Variants in RC3H1 observed in about 807,000 individuals in gnomAD.
RC3H1 encodes roquin-1.
Under a neutral mutation model 138.2 loss-of-function variants are expected in RC3H1, and 50 were observed. The observed-to-expected ratio is 0.36, with a 90% CI of 0.29 to 0.46. RC3H1 has a LOEUF of 0.46. Ranked by LOEUF, RC3H1 falls within the 20% of genes least tolerant of loss-of-function variation. The pLI, the probability that RC3H1 is intolerant of heterozygous loss-of-function variation, is 1.00. For synonymous variants in RC3H1, 462 were observed against 489.1 expected (o/e 0.94, Z 0.73); for missense variants, 1,031 against 1,388.1 (o/e 0.74, Z 4.09).
chr1:173,943,382 C>G, intron 18 of RC3H1, 60 bp downstream of exon 18: 1 of 1,528,616 alleles, frequency 6.5e-7, no homozygotes, highest in Non-Finnish European at 8.9e-7. Flanking sequence ...CTAGATAATT[C>G]TAGAGCCACA....
In RC3H1 at chr1:173,934,838, T is replaced by C. The variant is rs1055358906; in HGVS notation, c.*3883A>G. ...AAAGGTCAAGAAAAAAAAAGACATA[T>C]ATGGAAAAATGTAAACTTTGAGCTC... On this transcript the variant is annotated 3_prime_UTR_variant, in exon 20 of 20. Coordinates refer to ENST00000367696, the MANE Select transcript of RC3H1 (RefSeq NM_172071.4). The C allele has an allele frequency of 5.3e-5, 8 of 151,960 alleles. No individual in the cohort carries two copies. The highest frequency in any genetic ancestry group is 1.5e-5 in the Non-Finnish European group (1 of 67,970). 9.4% of individuals were successfully genotyped at this position (151,960 alleles called of 1,614,324 possible). A position where few individuals can be genotyped will look rare whatever the true frequency, so the allele number is the denominator to read the frequency against.
intron 9 of RC3H1, 38 bp from the exon 10 acceptor site, chr1:173,965,158 A>C: frequency 9.0e-6 from 14 of 1,553,116 alleles, no homozygotes; most frequent in Non-Finnish European, 1.2e-5. Flanking sequence ...AAAAGCAAAT[A>C]TAAAAGCAAA....
chr1:173,984,472 T>C, intron 3 of RC3H1, 27 bp downstream of exon 3: 1 of 1,607,790 alleles, frequency 6.2e-7, no homozygotes, highest in Non-Finnish European at 8.5e-7. Context: ...GTTTTACTCT[T>C]TAAATAAGAA....
chr1:174,007,116 G>A (rs977546415), intron 1 of RC3H1, among the ~76,000 whole-genome samples: 2 of 152,134 alleles, frequency 1.3e-5, no homozygotes, highest in East Asian at 1.9e-4. Context: ...CAGGCCAGGC[G>A]CAGTGGCTCA....
rs117325374 is a variant in RC3H1 at position 173,997,138 on chromosome 1, T to C, written c.-150-4003A>G. Among the ~76,000 whole-genome samples the C allele has an allele frequency of 5.1e-4, 77 of 152,170 alleles. 2 individuals carry two copies. The East Asian group carries it at 0.013, about 26-fold the overall frequency. ...TATATGGGAGGCTGAGGCAAGAGGA[T>C]TGCCTGAGCCCAGGAGGTCGGAGCT... On this transcript the variant is annotated intron_variant, in intron 1 of 19. Transcript: ENST00000367696.
intron 7 of RC3H1, among the ~76,000 whole-genome samples, chr1:173,976,363 A>G (rs1163964912): frequency 6.6e-6 from 1 of 152,034 alleles, no homozygotes; most frequent in Non-Finnish European, 1.5e-5. Flanking sequence ...GCTACTCGGG[A>G]CAAGAATTGC....
intron 1 of RC3H1, among the ~76,000 whole-genome samples, chr1:174,005,422 T>C (rs1036070143): frequency 1.1e-4 from 17 of 152,224 alleles, no homozygotes; most frequent in South Asian, 4.1e-4. Context: ...ATAGATTATC[T>C]GGTGATTATA....
chr1:173,934,717 G>A lies in RC3H1; in HGVS notation c.*4004C>T, dbSNP rs970723259. 2.6e-5 allele frequency: 4 copies of A among 152,118 alleles called. No individual in the cohort carries two copies. Among genetic ancestry groups the A allele is most frequent in the South Asian group, 2.1e-4 (1 of 4,822 alleles). The allele number at this position is 152,118 out of a possible 1,614,324, so 9.4% of individuals were successfully genotyped here. On this transcript the variant is annotated 3_prime_UTR_variant, in exon 20 of 20. Coordinates refer to ENST00000367696, the MANE Select transcript of RC3H1 (RefSeq NM_172071.4). ...ACTTCACAGAAGTTATTGGCTAAGC[G>A]AATTCATTTGAATGCTCTGTTTTGA...
Position 173,936,107 on chromosome 1 carries a change from A to C in RC3H1, c.*2614T>G. 6.6e-6 allele frequency: 1 copy of C among 152,270 alleles called. No homozygotes were observed. The highest frequency in any genetic ancestry group is 1.5e-5 in the Non-Finnish European group (1 of 68,046). 9.4% of individuals were successfully genotyped at this position (152,270 alleles called of 1,614,324 possible). A position where few individuals can be genotyped will look rare whatever the true frequency, so the allele number is the denominator to read the frequency against. On this transcript the variant is annotated 3_prime_UTR_variant, in exon 20 of 20. Coordinates refer to ENST00000367696, the MANE Select transcript of RC3H1 (RefSeq NM_172071.4). ...CACAGAATCAAAATGGCAAAAGCCA[A>C]GAACAAGTGTATTTAAAGGAAATGA...
chr1:173,978,579 T>C lies in RC3H1; in HGVS notation c.1011A>G (p.Leu337=). The change falls in exon 7 of 20, where the codon CTA becomes CTG. Residue 337 remains leucine (L), a synonymous_variant. Transcript: ENST00000367696. ...PASFAQSVQE[L]TIALQRTGDP... is the part of the protein sequence containing the mutation. ...CTCCAGTTCGCTGGAGAGCAATTGT[T>C]AGTTCCTGAACACTCTGTGCAAAAG... 6 of 1,614,104 alleles carry C rather than the reference T, an allele frequency of 3.7e-6. No homozygotes were observed. Among genetic ancestry groups the C allele is most frequent in the Non-Finnish European group, 5.1e-6 (6 of 1,179,984 alleles).
chr1:174,008,802 C>G (rs111855671), intron 1 of RC3H1, among the ~76,000 whole-genome samples: 1 of 151,932 alleles, frequency 6.6e-6, no homozygotes, highest in Non-Finnish European at 1.5e-5. Context: ...CATGGCGAAA[C>G]GCCATCTCTA....
chr1:173,974,611 G>A (rs1363115437), intron 7 of RC3H1, among the ~76,000 whole-genome samples: 1 of 152,050 alleles, frequency 6.6e-6, no homozygotes, highest in Admixed American at 6.5e-5. Context: ...TGTAAGAAGT[G>A]TGCCTGGCAT....
In RC3H1 at chr1:173,983,676, G is replaced by A. The variant is rs991373806; in HGVS notation, c.353-19C>T. On this transcript the variant is annotated intron_variant, in intron 3 of 19. Transcript: ENST00000367696. ...CCCACTCCTTTAAAAGAGTAAAGAA[G>A]TTATTCCTAGGTTCACAATGCAATT... The A allele has an allele frequency of 2.5e-6, 4 of 1,610,146 alleles. No homozygotes were observed. The highest frequency in any genetic ancestry group is 3.4e-6 in the Non-Finnish European group (4 of 1,177,924).
intron 8 of RC3H1, among the ~76,000 whole-genome samples, chr1:173,972,196 T>C (rs1027725738): frequency 1.3e-5 from 2 of 152,204 alleles, no homozygotes; most frequent in Non-Finnish European, 2.9e-5. Flanking sequence ...TAATCTTATA[T>C]AAATGGAATA....
chr1:173,958,705 TAAC>T (rs1466859388), intron 13 of RC3H1, among the ~76,000 whole-genome samples: 48 of 152,084 alleles, frequency 3.2e-4, no homozygotes, highest in Admixed American at 6.6e-4. Context: ...TTATTCACTA[TAAC>T]TACTAGCATT....
chr1:173,989,205 G>C (rs894226541), intron 2 of RC3H1, among the ~76,000 whole-genome samples: 1 of 151,564 alleles, frequency 6.6e-6, no homozygotes, highest in Non-Finnish European at 1.5e-5. Flanking sequence ...GCAATTTTTT[G>C]TTGTTGTTGT....
At chr1:173,962,932 A>T (rs1006518846) in intron 11 of RC3H1, among the ~76,000 whole-genome samples, 3 of 152,208 alleles carry the variant, frequency 2.0e-5, no homozygotes, top group African/African-American at 7.2e-5. Context: ...AATGTAGAGA[A>T]GACAACATGA....
At chr1:174,009,807 T>G (rs1346997348) in intron 1 of RC3H1, among the ~76,000 whole-genome samples, 1 of 152,194 alleles carries the variant, frequency 6.6e-6, no homozygotes, top group African/African-American at 2.4e-5. Flanking sequence ...CACTGCACTA[T>G]AGCCTGGGCC....
chr1:173,949,986 G>A (rs1184306052), intron 14 of RC3H1, among the ~76,000 whole-genome samples: 10 of 152,024 alleles, frequency 6.6e-5, no homozygotes, highest in Non-Finnish European at 1.3e-4. Flanking sequence ...GACCAATATG[G>A]TGAAACTCCA....
Sources: allele counts gnomAD v4.1 joint callset (sites outside exome capture counted in the v4.1 genomes callset), GRCh38; gene constraint gnomAD v4.1.1; transcripts MANE v1.5; gene names NCBI Gene and HGNC (gene_info 2026-07-23, HGNC 2026-07-21).